The following SGCD variants were observed in gnomAD, a reference collection of about 807,000 sequenced individuals.
SGCD encodes sarcoglycan delta, also known as delta-sarcoglycan.
A neutral mutation model predicts 36.6 loss-of-function variants in SGCD; 18 were observed. The observed-to-expected ratio is 0.49, with a 90% confidence interval of 0.34 to 0.73. The LOEUF (loss-of-function observed/expected upper bound fraction) is 0.73, where lower values mean the gene tolerates loss of function less well. Among genes scored for constraint, SGCD ranks in the 30% least tolerant of loss-of-function variants. SGCD has a pLI of 0.01. For missense variants in SGCD, 387 were observed against 346.7 expected, an observed-to-expected ratio of 1.12 and a Z score of -0.92; for synonymous variants, 133 against 130.6, an observed-to-expected ratio of 1.02 and a Z score of -0.12.
chr5:156,404,525 A>T (rs975211992), intron 3 of SGCD, among the ~76,000 whole-genome samples: 3 of 152,286 alleles, frequency 2.0e-5, no homozygotes, highest in South Asian at 4.1e-4. Context: ...CCCCTAGTAC[A>T]TCCAGAATAT....
chr5:156,288,672 A>G (rs1766679262), intron 3 of SGCD, among the ~76,000 whole-genome samples: 1 of 152,188 alleles, frequency 6.6e-6, no homozygotes. Flanking sequence ...ACAGATGAAT[A>G]AATTACAAAT....
intron 7 of SGCD, among the ~76,000 whole-genome samples, chr5:156,687,096 C>G (rs185527681): frequency 2.0e-5 from 3 of 152,174 alleles, no homozygotes; most frequent in Admixed American, 1.3e-4. Context: ...AACTGGCATG[C>G]AGAGAAATAA....
At chr5:156,100,063 G>A (rs547478684) in intron 1 of SGCD, among the ~76,000 whole-genome samples, 1 of 152,048 alleles carries the variant, frequency 6.6e-6, no homozygotes, top group South Asian at 2.1e-4. Context: ...GACCCCTATT[G>A]AGGCAGAACA....
chr5:156,489,676 G>A (rs1280980970), intron 3 of SGCD, among the ~76,000 whole-genome samples: 2 of 151,898 alleles, frequency 1.3e-5, no homozygotes, highest in Non-Finnish European at 2.9e-5. Flanking sequence ...TGAAACAATG[G>A]AAAATGGAAA....
At chr5:155,997,573 GTTC>G (rs1758578015) in intron 1 of SGCD, among the ~76,000 whole-genome samples, 3 of 152,214 alleles carry the variant, frequency 2.0e-5, no homozygotes, top group Admixed American at 2.0e-4. Flanking sequence ...ATGGGACATT[GTTC>G]CTCTCTTGTT....
At chr5:156,355,513 G>A (rs1769451150) in intron 3 of SGCD, among the ~76,000 whole-genome samples, 1 of 151,574 alleles carries the variant, frequency 6.6e-6, no homozygotes, top group African/African-American at 2.4e-5. Flanking sequence ...GAGCAAGGTG[G>A]ACTTTTGTTG....
At chr5:155,864,641 A>T in the SGCD span, among the ~76,000 whole-genome samples, 7 of 152,348 alleles carry the variant, frequency 4.6e-5, no homozygotes, top group Admixed American at 1.3e-4. Flanking sequence ...AGATTTTACT[A>T]CATGAAGTAT....
chr5:155,753,456 G>C, the SGCD span, among the ~76,000 whole-genome samples: 4 of 152,084 alleles, frequency 2.6e-5, no homozygotes, highest in African/African-American at 7.3e-5. Context: ...ATCATTTATT[G>C]GTTCTAAAAA....
chr5:156,220,365 G>T (rs910605554), intron 3 of SGCD, among the ~76,000 whole-genome samples: 2 of 152,084 alleles, frequency 1.3e-5, no homozygotes, highest in Non-Finnish European at 2.9e-5. Flanking sequence ...ATGCTATAAA[G>T]AATTCATTCA....
At chr5:156,435,028 A>G (rs1190072175) in intron 3 of SGCD, among the ~76,000 whole-genome samples, 1 of 152,214 alleles carries the variant, frequency 6.6e-6, no homozygotes, top group Non-Finnish European at 1.5e-5. Context: ...AGATCTGATT[A>G]TTGTAAAGGA....
rs773156158 is a variant in SGCD at position 156,622,341 on chromosome 5, G to T, written c.503-25123G>T. Among the ~76,000 whole-genome samples the T allele has an allele frequency of 2.4e-4, 36 of 151,534 alleles. 1 individual carries two copies. Among genetic ancestry groups the T allele is most frequent in the Non-Finnish European group, 3.8e-4 (26 of 67,926 alleles). ...TCGGCTACTTGAGAGCCTGAGGCAG[G>T]AGAATCACTTGAACCCAGAAGGCAG... On this transcript the variant is annotated intron_variant, in intron 6 of 8. Coordinates refer to ENST00000337851, the MANE Select transcript of SGCD (RefSeq NM_000337.6).
intron 1 of SGCD, among the ~76,000 whole-genome samples, chr5:155,894,802 C>G (rs957665784): frequency 6.6e-6 from 1 of 152,044 alleles, no homozygotes; most frequent in Non-Finnish European, 1.5e-5. Context: ...CTCAGGGCAC[C>G]CACTGATTCT....
intron 3 of SGCD, among the ~76,000 whole-genome samples, chr5:156,287,074 A>G (rs921053602): frequency 1.3e-5 from 2 of 152,212 alleles, no homozygotes; most frequent in African/African-American, 2.4e-5. Flanking sequence ...GTAAACAAAT[A>G]GCACACTCAG....
the SGCD span, among the ~76,000 whole-genome samples, chr5:155,769,033 G>A: frequency 1.3e-5 from 2 of 152,084 alleles, no homozygotes; most frequent in Admixed American, 6.6e-5. Context: ...GGAAGATTGA[G>A]TAAATACATT....
intron 3 of SGCD, among the ~76,000 whole-genome samples, chr5:156,185,431 G>C (rs528885695): frequency 1.3e-5 from 2 of 151,842 alleles, no homozygotes; most frequent in East Asian, 1.9e-4. Context: ...AGCCAGGATG[G>C]TCTCGATCTC....
chr5:156,412,987 C>CG (rs1179627253), intron 3 of SGCD, among the ~76,000 whole-genome samples: 2 of 151,370 alleles, frequency 1.3e-5, no homozygotes. Context: ...TTAGTAGAGA[C>CG]GGGGTTTCAC....
intron 1 of SGCD, among the ~76,000 whole-genome samples, chr5:155,957,373 A>T (rs1757685521): frequency 6.6e-6 from 1 of 152,034 alleles, no homozygotes; most frequent in African/African-American, 2.4e-5. Context: ...CCTTAGTGGC[A>T]GCCAATATAG....
At chr5:156,189,317 T>C (rs539451643) in intron 3 of SGCD, among the ~76,000 whole-genome samples, 2 of 152,208 alleles carry the variant, frequency 1.3e-5, no homozygotes, top group Non-Finnish European at 2.9e-5. Context: ...AAATTGATGG[T>C]AAAATGTCAC....
chr5:156,249,442 C>G (rs1765520827), intron 3 of SGCD, among the ~76,000 whole-genome samples: 1 of 152,160 alleles, frequency 6.6e-6, no homozygotes, highest in South Asian at 2.1e-4. Flanking sequence ...GGAACAGATG[C>G]CAGATCAGTG....
Sources: gnomAD v4.1 joint callset for allele counts (sites outside exome capture counted in the v4.1 genomes callset) on GRCh38, gnomAD v4.1.1 for gene constraint, MANE v1.5 for transcripts, NCBI Gene and HGNC (gene_info 2026-07-23, HGNC 2026-07-21) for gene names.